ZNRF3: variants seen among roughly 807,000 people sequenced by gnomAD.
The protein encoded by ZNRF3 is E3 ubiquitin-protein ligase ZNRF3.
A neutral mutation model predicts 72.5 loss-of-function variants in ZNRF3; 23 were observed. That is an observed-to-expected ratio of 0.32 (90% CI 0.23 to 0.45). The LOEUF (loss-of-function observed/expected upper bound fraction) is 0.45, where lower values mean the gene tolerates loss of function less well. Ranked by LOEUF, ZNRF3 falls within the 20% of genes least tolerant of loss-of-function variation. The pLI is 1.00. For missense variants in ZNRF3, 1,169 were observed against 1,272.1 expected, an observed-to-expected ratio of 0.92 and a Z score of 1.23; for synonymous variants, 610 against 545.3, an observed-to-expected ratio of 1.12 and a Z score of -1.65.
chr22:28,916,925 G>A (rs1256023881), intron 1 of ZNRF3, among the ~76,000 whole-genome samples: 1 of 152,106 alleles, frequency 6.6e-6, no homozygotes, highest in Non-Finnish European at 1.5e-5. Flanking sequence ...ATACCGCCCA[G>A]GATTTCCAAA....
chr22:28,894,685 A>G (rs1026203183), intron 1 of ZNRF3, among the ~76,000 whole-genome samples: 1 of 152,152 alleles, frequency 6.6e-6, no homozygotes, highest in Non-Finnish European at 1.5e-5. Flanking sequence ...GGCCGAATGA[A>G]TCTGTCCTTG....
intron 1 of ZNRF3, among the ~76,000 whole-genome samples, chr22:28,964,877 T>C (rs2035431060): frequency 6.6e-6 from 1 of 152,272 alleles, no homozygotes; most frequent in South Asian, 2.1e-4. Flanking sequence ...TTGGCTACTC[T>C]TTCTTTTGCT....
chr22:28,963,056 A>G (rs773323439), intron 1 of ZNRF3, among the ~76,000 whole-genome samples: 18 of 152,256 alleles, frequency 1.2e-4, no homozygotes, highest in Non-Finnish European at 2.5e-4. Context: ...CAAAGGCAAA[A>G]GGGCTCTGGC....
chr22:29,029,773 T>A (rs1244917467), intron 2 of ZNRF3, among the ~76,000 whole-genome samples: 1 of 152,216 alleles, frequency 6.6e-6, no homozygotes. Flanking sequence ...GCTGCCCCTG[T>A]GAGGAACTCA....
At position 29,030,779 on chromosome 22, in the gene ZNRF3, G is replaced by C. The variant is rs1329738361; in HGVS notation, c.427-11716G>C. On this transcript the variant is annotated intron_variant, in intron 2 of 8. Coordinates refer to ENST00000544604, the MANE Select transcript of ZNRF3 (RefSeq NM_001206998.2). The surrounding 1 kb of genome is among the most constrained non-coding windows in gnomAD (Gnocchi z 4.2). ...GGGACCCTGCAGGGCGGTACACGAC[G>C]GGTGGGAGTGGGGAGGAGGAGGGCT... is the stretch of plus-strand genomic sequence containing the variant. Among the ~76,000 whole-genome samples the C allele has an allele frequency of 6.6e-6, 1 of 152,080 alleles. No homozygotes were observed. Among genetic ancestry groups the C allele is most frequent in the Admixed American group, 6.5e-5 (1 of 15,276 alleles).
intron 2 of ZNRF3, among the ~76,000 whole-genome samples, chr22:29,010,357 T>C (rs1377927653): frequency 6.6e-6 from 1 of 152,194 alleles, no homozygotes; most frequent in Non-Finnish European, 1.5e-5. Flanking sequence ...TATTTGTCCT[T>C]TTGTGACTGG....
chr22:29,045,362 C>CAAAAAAAAA (rs59285656), intron 5 of ZNRF3, among the ~76,000 whole-genome samples: 1 of 97,590 alleles, frequency 1.0e-5, no homozygotes, highest in Non-Finnish European at 2.1e-5. Context: ...CCCTGTCTCA[C>CAAAAAAAAA]AAAAAAAAAA....
intron 2 of ZNRF3, among the ~76,000 whole-genome samples, chr22:29,035,580 T>A (rs186829962): frequency 1.1e-4 from 17 of 152,230 alleles, no homozygotes; most frequent in South Asian, 8.3e-4. Context: ...TATTTTAAAA[T>A]TTTTTTTCTT....
At position 29,033,372 on chromosome 22, in the gene ZNRF3, A is replaced by AT. The variant is rs1447087398; in HGVS notation, c.427-9123_427-9122insT. On this transcript the variant is annotated intron_variant, in intron 2 of 8. Transcript: ENST00000544604. ...TCTCAAAAAAAAAAAAAAAAAAAAA[A>AT]GGCTCAATATAGTTCAACTTAGGAG... is the stretch of plus-strand genomic sequence containing the variant. Among the ~76,000 whole-genome samples, 7 of 143,090 alleles carry AT rather than the reference A, an allele frequency of 4.9e-5. No individual in the cohort carries two copies. In the South Asian group the frequency reaches 1.4e-3, roughly 28 times the overall value. 93.9% of individuals were successfully genotyped at this position (143,090 alleles called of 152,430 possible).
chr22:28,929,594 C>T (rs774258053), intron 1 of ZNRF3, among the ~76,000 whole-genome samples: 6 of 152,104 alleles, frequency 3.9e-5, no homozygotes, highest in South Asian at 2.1e-4. Flanking sequence ...TAAATTTCTG[C>T]GGAGGGACAT....
chr22:28,909,577 T>TA (rs1569242269), intron 1 of ZNRF3, among the ~76,000 whole-genome samples: 1 of 152,092 alleles, frequency 6.6e-6, no homozygotes, highest in African/African-American at 2.4e-5. Flanking sequence ...TTAGCCCACA[T>TA]ACTTTCCTCA....
At chr22:28,887,476 T>G (rs1346601434) in intron 1 of ZNRF3, among the ~76,000 whole-genome samples, 1 of 152,180 alleles carries the variant, frequency 6.6e-6, no homozygotes, top group Non-Finnish European at 1.5e-5. Flanking sequence ...TCATCAGGAA[T>G]CTTGGTTCTT....
At chr22:28,922,085 T>A (rs1261756107) in intron 1 of ZNRF3, among the ~76,000 whole-genome samples, 1 of 152,248 alleles carries the variant, frequency 6.6e-6, no homozygotes, top group East Asian at 1.9e-4. Context: ...ACAGTATTTT[T>A]AATAATTTTG....
At chr22:29,029,291 C>T (rs115240272) in intron 2 of ZNRF3, among the ~76,000 whole-genome samples, 231 of 152,330 alleles carry the variant, frequency 1.5e-3, no homozygotes, top group African/African-American at 5.0e-3. Flanking sequence ...CCCTGTCCCA[C>T]GAATGTTAGA....
chr22:28,980,828 T>C (rs2123822298), intron 1 of ZNRF3, among the ~76,000 whole-genome samples: 1 of 152,316 alleles, frequency 6.6e-6, no homozygotes, highest in Non-Finnish European at 1.5e-5. Context: ...TTGGTTCCAG[T>C]CTAGGGTTTC....
intron 1 of ZNRF3, among the ~76,000 whole-genome samples, chr22:28,933,775 CT>C (rs1569251168): frequency 8.3e-5 from 11 of 132,100 alleles, no homozygotes; most frequent in African/African-American, 2.3e-4. Flanking sequence ...CTCTCTCTCT[CT>C]CTCCCCTCCC....
In ZNRF3 at chr22:28,936,769, A is replaced by G. The variant is rs142703223; in HGVS notation, c.301-50307A>G. On this transcript the variant is annotated intron_variant, in intron 1 of 8. Coordinates refer to ENST00000544604, the MANE Select transcript of ZNRF3 (RefSeq NM_001206998.2). ...CCATGGCTTTCATAGTTTTGCTAAT[A>G]GACAAAAACAGTCCCTCGACTGCCT... Among the ~76,000 whole-genome samples, 95 of 152,306 alleles carry G rather than the reference A, an allele frequency of 6.2e-4. 1 individual carries two copies. The highest frequency in any genetic ancestry group is 2.2e-3 in the African/African-American group (90 of 41,582).
At chr22:28,903,021 C>G (rs1334404066) in intron 1 of ZNRF3, among the ~76,000 whole-genome samples, 1 of 152,078 alleles carries the variant, frequency 6.6e-6, no homozygotes, top group Non-Finnish European at 1.5e-5. Context: ...TCTACTTGCA[C>G]CTATGTCCCT....
chr22:28,972,912 G>T (rs544112140), intron 1 of ZNRF3, among the ~76,000 whole-genome samples: 2 of 150,980 alleles, frequency 1.3e-5, no homozygotes, highest in South Asian at 2.1e-4. Context: ...ATTTTTAATT[G>T]AATAGTTTGT....
Sources: gnomAD v4.1 joint callset for allele counts (sites outside exome capture counted in the v4.1 genomes callset) on GRCh38, gnomAD v4.1.1 for gene constraint, Gnocchi (gnomAD v3.1) non-coding constraint, MANE v1.5 for transcripts, NCBI Gene and HGNC (gene_info 2026-07-23, HGNC 2026-07-21) for gene names.